Variants in TENM1 observed in about 807,000 individuals in gnomAD.
The protein encoded by TENM1 is teneurin-1.
In TENM1, 35 loss-of-function variants were observed where a neutral mutation model predicts 174.8. The observed-to-expected ratio is 0.20, with a 90% CI of 0.15 to 0.27. The LOEUF (loss-of-function observed/expected upper bound fraction) is 0.27. TENM1 is among the 10% of genes least tolerant of loss of function. The pLI, the probability that TENM1 is intolerant of heterozygous loss-of-function variation, is 1.00. For missense variants in TENM1, 1,633 were observed against 2,130.1 expected, an observed-to-expected ratio of 0.77 and a Z score of 4.59; for synonymous variants, 781 against 798.7, an observed-to-expected ratio of 0.98 and a Z score of 0.37.
At chrX:125,101,192 T>G in the TENM1 span, among the ~76,000 whole-genome samples, 1 of 112,072 alleles carries the variant, frequency 8.9e-6, no homozygotes, top group East Asian at 2.8e-4. Context: ...ATTAACCAGA[T>G]ATTTTTGCTG....
the TENM1 span, among the ~76,000 whole-genome samples, chrX:125,128,818 A>G: frequency 9.0e-6 from 1 of 111,504 alleles, no homozygotes; most frequent in Non-Finnish European, 1.9e-5. Context: ...CACACACAAA[A>G]AAAGTGCTCA....
At chrX:124,721,679 C>G (rs1001335018) in intron 4 of TENM1, among the ~76,000 whole-genome samples, 20 of 112,084 alleles carry the variant, frequency 1.8e-4, no homozygotes, top group Non-Finnish European at 5.6e-5. Flanking sequence ...TTGCACAGGA[C>G]TTACATTCCA....
chrX:124,620,982 G>A (rs369766398), intron 11 of TENM1, among the ~76,000 whole-genome samples: 6 of 111,529 alleles, frequency 5.4e-5, no homozygotes, highest in Admixed American at 2.9e-4. Context: ...GTTACTTAGC[G>A]GCCCAAAGAG....
At chrX:124,665,786 C>T (rs750593750) in intron 6 of TENM1, among the ~76,000 whole-genome samples, 1 of 112,132 alleles carries the variant, frequency 8.9e-6, no homozygotes, top group Non-Finnish European at 1.9e-5. Flanking sequence ...AGGAAGGGAA[C>T]GGGAGTTTTG....
chrX:124,889,215 T>C lies in TENM1; in HGVS notation c.535+5081A>G, dbSNP rs537492276. On this transcript the variant is annotated intron_variant, in intron 3 of 31. Coordinates refer to ENST00000422452, the Ensembl canonical transcript of TENM1. ...ATTGGGAATTGCTTCGAGAATCAATTGGGTAGGCTTCCAGAAAGCAACATT... is the reference window on the plus strand; with the variant it reads ...ATTGGGAATTGCTTCGAGAATCAATCGGGTAGGCTTCCAGAAAGCAACATT... Among the ~76,000 whole-genome samples, 13 of 111,176 alleles carry C rather than the reference T, an allele frequency of 1.2e-4. 1 individual carries two copies. The South Asian group carries it at 5.0e-3, about 43-fold the overall frequency.
chrX:125,023,353 G>A, the TENM1 span, among the ~76,000 whole-genome samples: 1,433 of 111,043 alleles, frequency 0.013, 33 homozygotes, highest in African/African-American at 0.043. Flanking sequence ...TATAAGTTTC[G>A]TGAGGCCTCC....
chrX:124,443,084 G>A (rs1274262740), intron 23 of TENM1, among the ~76,000 whole-genome samples: 1 of 81,844 alleles, frequency 1.2e-5, no homozygotes, highest in Non-Finnish European at 2.7e-5. Flanking sequence ...GTGTGTGTGT[G>A]TGTGTGTGTG....
At chrX:124,952,282 T>A (rs887678356) in intron 1 of TENM1, among the ~76,000 whole-genome samples, 1 of 109,607 alleles carries the variant, frequency 9.1e-6, no homozygotes, top group African/African-American at 3.3e-5. Flanking sequence ...TAGAAAAAAA[T>A]TAGAGAACAA....
chrX:125,038,704 T>C, the TENM1 span, among the ~76,000 whole-genome samples: 1 of 111,299 alleles, frequency 9.0e-6, no homozygotes, highest in African/African-American at 3.3e-5. Context: ...AAATCTGTCA[T>C]TTTTCAATTT....
intron 3 of TENM1, among the ~76,000 whole-genome samples, chrX:124,808,423 A>C (rs1433390903): frequency 8.9e-6 from 1 of 111,809 alleles, no homozygotes. Context: ...GGACGGATCA[A>C]CCAGGCAGAA....
chrX:125,010,226 A>G, the TENM1 span, among the ~76,000 whole-genome samples: 5 of 110,959 alleles, frequency 4.5e-5, no homozygotes, highest in Admixed American at 4.8e-4. Context: ...ATTCCTATAC[A>G]CCAACAATAG....
At chrX:124,597,525 G>C (rs1472253574) in intron 11 of TENM1, among the ~76,000 whole-genome samples, 2 of 110,741 alleles carry the variant, frequency 1.8e-5, no homozygotes, top group Non-Finnish European at 3.8e-5. Flanking sequence ...TTGAGGGGAA[G>C]GGTGGGAGAG....
At chrX:124,505,498 C>T (rs2047427211) in intron 18 of TENM1, among the ~76,000 whole-genome samples, 1 of 111,362 alleles carries the variant, frequency 9.0e-6, no homozygotes, top group African/African-American at 3.3e-5. Flanking sequence ...CCTCTACTTG[C>T]TAAAACAACT....
intron 22 of TENM1, among the ~76,000 whole-genome samples, chrX:124,461,782 G>T (rs1005792481): frequency 5.4e-5 from 6 of 111,120 alleles, no homozygotes; most frequent in Non-Finnish European, 1.1e-4. Context: ...AATGATAGAA[G>T]AAATAAGAAC....
chrX:125,052,392 C>T, the TENM1 span, among the ~76,000 whole-genome samples: 1 of 111,810 alleles, frequency 8.9e-6, no homozygotes, highest in Non-Finnish European at 1.9e-5. Flanking sequence ...CATAATTAAA[C>T]TGAATGCTGT....
At chrX:124,555,189 A>G (rs2048666739) in intron 14 of TENM1, among the ~76,000 whole-genome samples, 1 of 111,089 alleles carries the variant, frequency 9.0e-6, no homozygotes, top group African/African-American at 3.3e-5. Context: ...TTCCTGACTC[A>G]TGTTCCAGCC....
the TENM1 span, among the ~76,000 whole-genome samples, chrX:125,158,618 ATG>A: frequency 9.1e-6 from 1 of 109,942 alleles, no homozygotes; most frequent in Non-Finnish European, 1.9e-5. Flanking sequence ...AATTTTTGGG[ATG>A]GTATACTAGT....
intron 3 of TENM1, among the ~76,000 whole-genome samples, chrX:124,871,679 C>A (rs752284408): frequency 1.8e-5 from 2 of 111,560 alleles, no homozygotes; most frequent in African/African-American, 6.5e-5. Flanking sequence ...AGCCTCAGGA[C>A]TATAAGAGGT....
intron 3 of TENM1, among the ~76,000 whole-genome samples, chrX:124,785,336 T>C (rs1230230125): frequency 1.8e-5 from 2 of 111,766 alleles, no homozygotes; most frequent in East Asian, 5.6e-4. Flanking sequence ...GAATTTATCA[T>C]TGTTATCCTT....
Sources: gnomAD v4.1 joint callset for allele counts (sites outside exome capture counted in the v4.1 genomes callset) on GRCh38, gnomAD v4.1.1 for gene constraint, MANE v1.5 for transcripts, NCBI Gene and HGNC (gene_info 2026-07-23, HGNC 2026-07-21) for gene names.